Variants in ADAM10 observed in about 807,000 individuals in gnomAD.
ADAM10 encodes ADAM metallopeptidase domain 10, also known as disintegrin and metalloproteinase domain-containing protein 10.
ADAM10 carries 17 observed loss-of-function variants against 90.1 expected under a neutral mutation model. The observed-to-expected ratio is 0.19, with a 90% confidence interval of 0.13 to 0.28. The LOEUF (loss-of-function observed/expected upper bound fraction) is 0.28. Ranked by LOEUF, ADAM10 falls within the 10% of genes least tolerant of loss-of-function variation. The pLI is 1.00. For synonymous variants in ADAM10, 310 were observed against 298.6 expected (o/e 1.04, Z -0.40); for missense variants, 610 against 914.3 (o/e 0.67, Z 4.29).
chr15:58,644,575 A>T (rs73426520), intron 6 of ADAM10, among the ~76,000 whole-genome samples: 1,550 of 152,118 alleles, frequency 0.01, 29 homozygotes, highest in African/African-American at 0.036. Flanking sequence ...TGTTTCCTCA[A>T]TCCAATCCTA....
Position 58,627,902 on chromosome 15 carries a change from A to G in ADAM10, c.1177-19T>C. The G allele has an allele frequency of 6.2e-7, 1 of 1,611,504 alleles. No individual in the cohort carries two copies. The highest frequency in any genetic ancestry group is 8.5e-7 in the Non-Finnish European group (1 of 1,179,010). On this transcript the variant is annotated intron_variant, in intron 9 of 15. Transcript: ENST00000260408. The stretch of plus-strand genomic sequence containing the variant: ...AATCATGCTGTCAAAAAGAATATAA[A>G]GTTACATAAACAGGAAGTAAAATAA...
At chr15:58,625,252 C>T (rs1390386785) in intron 10 of ADAM10, among the ~76,000 whole-genome samples, 1 of 151,978 alleles carries the variant, frequency 6.6e-6, no homozygotes, top group African/African-American at 2.4e-5. Context: ...ATTTGCAAAC[C>T]AGTATCTAGG....
chr15:58,644,244 T>C (rs529152212), intron 6 of ADAM10, among the ~76,000 whole-genome samples: 1 of 151,736 alleles, frequency 6.6e-6, no homozygotes, highest in Non-Finnish European at 1.5e-5. Flanking sequence ...GTTTTTTTTT[T>C]TGGAGACAAG....
chr15:58,732,808 A>T (rs1416637420), intron 1 of ADAM10: 1 of 154,722 alleles, frequency 6.5e-6, no homozygotes, highest in Non-Finnish European at 1.4e-5. Context: ...GAAAGGCCTT[A>T]TGAGTGCAGA....
intron 5 of ADAM10, among the ~76,000 whole-genome samples, chr15:58,650,931 T>C (rs1209019188): frequency 6.6e-6 from 1 of 152,094 alleles, no homozygotes; most frequent in African/African-American, 2.4e-5. Context: ...GTCTTCACTT[T>C]AAGGTGTCTT....
Position 58,599,454 on chromosome 15 carries a change from A to G in ADAM10, c.2152+144T>C, listed in dbSNP as rs1895051425. ...TTGGATTGACAAAAAGCACACAAAT[A>G]TCAACTAAATCATTCATCCAATAAT... is the stretch of plus-strand genomic sequence containing the variant. On this transcript the variant is annotated intron_variant, in intron 15 of 15. Coordinates refer to ENST00000260408, the MANE Select transcript of ADAM10 (RefSeq NM_001110.4). The G allele has an allele frequency of 4.9e-6, 5 of 1,019,884 alleles. No individual in the cohort carries two copies. The South Asian group carries it at 7.1e-5, about 14-fold the overall frequency. The allele number at this position is 1,019,884 out of a possible 1,614,324, so 63.2% of individuals were successfully genotyped here. A position where few individuals can be genotyped will look rare whatever the true frequency, so the allele number is the denominator to read the frequency against.
At chr15:58,633,131 A>G (rs1295957180) in intron 9 of ADAM10, 65 bp downstream of exon 9, 7 of 1,450,522 alleles carry the variant, frequency 4.8e-6, no homozygotes, top group Non-Finnish European at 6.7e-6. Flanking sequence ...AATTTTAAAT[A>G]AATCACTCAA....
rs1317476884 is a variant in ADAM10 at position 58,594,192 on chromosome 15, G to A, written c.*3355C>T. ...TTGCACCCTGGTTTTGGGAAACCTT[G>A]ACCCTTTAAATATGGATAATGAATA... On this transcript the variant is annotated 3_prime_UTR_variant, in exon 16 of 16. Coordinates refer to ENST00000260408, the MANE Select transcript of ADAM10 (RefSeq NM_001110.4). 4 of 152,164 alleles carry A rather than the reference G, an allele frequency of 2.6e-5. No homozygotes were observed. The East Asian group carries it at 7.7e-4, about 29-fold the overall frequency. 9.4% of individuals were successfully genotyped at this position (152,164 alleles called of 1,614,324 possible). A position where few individuals can be genotyped will look rare whatever the true frequency, so the allele number is the denominator to read the frequency against.
intron 2 of ADAM10, among the ~76,000 whole-genome samples, chr15:58,697,796 T>C (rs1898019651): frequency 6.6e-6 from 1 of 152,174 alleles, no homozygotes; most frequent in Non-Finnish European, 1.5e-5. Context: ...TGCCAGCATA[T>C]GTTGCCCTAA....
chr15:58,646,638 G>C lies in ADAM10; in HGVS notation c.586-434C>G, dbSNP rs554424847. ...ATTACTTGTTACCTAGAGTACTGCAGTAAGATCAGTTTAATCAACCAATAG... is the reference window on the plus strand; with the variant it reads ...ATTACTTGTTACCTAGAGTACTGCACTAAGATCAGTTTAATCAACCAATAG... On this transcript the variant is annotated intron_variant, in intron 5 of 15. Coordinates refer to ENST00000260408, the MANE Select transcript of ADAM10 (RefSeq NM_001110.4). 7.2e-5 allele frequency among the ~76,000 whole-genome samples: 11 copies of C among 152,272 alleles called. No homozygotes were observed. The South Asian group carries it at 1.7e-3, about 23-fold the overall frequency.
chr15:58,675,455 GTTC>G (rs1248207773), intron 4 of ADAM10, among the ~76,000 whole-genome samples: 1 of 152,128 alleles, frequency 6.6e-6, no homozygotes. Flanking sequence ...CCTAAAACCT[GTTC>G]ATGTTAATAA....
At chr15:58,741,926 T>A (rs534825850) in intron 1 of ADAM10, among the ~76,000 whole-genome samples, 6 of 152,168 alleles carry the variant, frequency 3.9e-5, no homozygotes, top group Non-Finnish European at 7.3e-5. Context: ...ACACAGACTA[T>A]CGATTCCAGG....
At chr15:58,646,023 G>C (rs201224845) in intron 6 of ADAM10, 32 bp downstream of exon 6, 1 of 1,610,122 alleles carries the variant, frequency 6.2e-7, no homozygotes, top group South Asian at 1.1e-5. Flanking sequence ...AACAATATGG[G>C]AACTACTAAA....
At chr15:58,664,197 A>G (rs1237821372) in intron 5 of ADAM10, among the ~76,000 whole-genome samples, 1 of 152,062 alleles carries the variant, frequency 6.6e-6, no homozygotes, top group Non-Finnish European at 1.5e-5. Flanking sequence ...ATTGCCTTCA[A>G]ATACTTATAA....
intron 2 of ADAM10, among the ~76,000 whole-genome samples, chr15:58,695,897 A>G (rs1419628505): frequency 6.6e-6 from 1 of 152,092 alleles, no homozygotes; most frequent in East Asian, 1.9e-4. Context: ...CGGGTGGATC[A>G]CCGGAGGTCA....
chr15:58,660,992 C>A (rs745494293), intron 5 of ADAM10, among the ~76,000 whole-genome samples: 1 of 152,226 alleles, frequency 6.6e-6, no homozygotes, highest in African/African-American at 2.4e-5. Flanking sequence ...GTTTGCTGAC[C>A]CCGGCTCTAC....
intron 11 of ADAM10, among the ~76,000 whole-genome samples, chr15:58,617,497 G>C (rs1291946700): frequency 6.6e-6 from 1 of 152,016 alleles, no homozygotes; most frequent in South Asian, 2.1e-4. Context: ...AAAAGAACTA[G>C]AACAAGACAA....
chr15:58,604,198 C>G (rs1385042786), intron 14 of ADAM10, among the ~76,000 whole-genome samples: 1 of 152,010 alleles, frequency 6.6e-6, no homozygotes, highest in Non-Finnish European at 1.5e-5. Context: ...CCCATCTGTG[C>G]TAAAATACAA....
At chr15:58,615,878 C>G (rs1190287186) in intron 11 of ADAM10, among the ~76,000 whole-genome samples, 2 of 151,922 alleles carry the variant, frequency 1.3e-5, no homozygotes, top group African/African-American at 4.8e-5. Flanking sequence ...CATGGTGGTA[C>G]ATGCCTGTAG....
Sources: gnomAD v4.1 joint callset for allele counts (sites outside exome capture counted in the v4.1 genomes callset) on GRCh38, gnomAD v4.1.1 for gene constraint, MANE v1.5 for transcripts, NCBI Gene and HGNC (gene_info 2026-07-23, HGNC 2026-07-21) for gene names.